The following SETDB1 variants were observed in gnomAD, a reference collection of about 807,000 sequenced individuals.
SETDB1 encodes histone-lysine N-methyltransferase SETDB1.
In SETDB1, 31 loss-of-function variants were observed where a neutral mutation model predicts 137.4. The observed-to-expected ratio is 0.23, with a 90% CI of 0.17 to 0.30. The LOEUF (loss-of-function observed/expected upper bound fraction) is 0.30, where lower values mean the gene tolerates loss of function less well. Ranked by LOEUF, SETDB1 falls within the 10% of genes least tolerant of loss-of-function variation. The probability of loss-of-function intolerance (pLI) is 1.00; values close to 1 mark genes in which losing one functional copy is unlikely to be tolerated. For missense variants in SETDB1, 1,113 were observed against 1,631.5 expected (o/e 0.68, Z 5.47); for synonymous variants, 548 against 579.9 (o/e 0.95, Z 0.79).
intron 14 of SETDB1, among the ~76,000 whole-genome samples, chr1:150,956,186 G>T (rs1479705953): frequency 6.6e-6 from 1 of 150,928 alleles, no homozygotes; most frequent in Non-Finnish European, 1.5e-5. Flanking sequence ...AGGAATTCAA[G>T]ATCAGCCTGG....
chr1:150,946,911 A>G lies in SETDB1; in HGVS notation c.1166A>G (p.Tyr389Cys), dbSNP rs1670349450. 10 of 1,613,544 alleles carry G rather than the reference A, an allele frequency of 6.2e-6. No individual in the cohort carries two copies. The highest frequency in any genetic ancestry group is 1.7e-5 in the Admixed American group (1 of 59,972). Residue 389 changes from tyrosine to cysteine, a missense_variant, in exon 10 of 22, where the codon TAT (tyrosine) becomes TGT (cysteine). Tyr to Cys is a radical substitution (Grantham distance 194). Coordinates refer to ENST00000692827, the MANE Select transcript of SETDB1 (RefSeq NM_001366418.1). ...GATGACAAAAGATGTGAGTGGATCT[A>G]TCGAGGCTCTACACGGCTGGAGCCC... ...FLDDKRCEWI[Y>C]RGSTRLEPMF... is the part of the protein sequence containing the mutation.
Position 150,927,857 on chromosome 1 carries a change from T to C in SETDB1, c.143T>C (p.Leu48Pro), listed in dbSNP as rs1469684199. ...EELRHFIDEE[L>P]EKMDCVQQRK... ...CTTCGGCATTTCATCGATGAGGAAC[T>C]GGAGAAGATGGATTGTGTACAGCAA... The change falls in exon 2 of 22, where the codon CTG becomes CCG. Residue 48 changes from leucine (L) to proline (P), a missense_variant. Physicochemically the swap from Leu to Pro is moderately conservative, Grantham distance 98 (BLOSUM62 -3). Coordinates refer to ENST00000692827, the MANE Select transcript of SETDB1 (RefSeq NM_001366418.1). The C allele has an allele frequency of 6.2e-7, 1 of 1,614,126 alleles. No homozygotes were observed. The highest frequency in any genetic ancestry group is 8.5e-7 in the Non-Finnish European group (1 of 1,180,036).
At chr1:150,949,680 G>A (rs988480542) in intron 12 of SETDB1, among the ~76,000 whole-genome samples, 155 bp downstream of exon 12, 2 of 152,214 alleles carry the variant, frequency 1.3e-5, no homozygotes, top group African/African-American at 4.8e-5. Context: ...AAGTTCCTAA[G>A]AAATAGAAAG....
At chr1:150,931,636 T>TA (rs1386651491) in intron 3 of SETDB1, among the ~76,000 whole-genome samples, 52 of 61,196 alleles carry the variant, frequency 8.5e-4, no homozygotes, top group Non-Finnish European at 4.0e-4. Context: ...AAATAAAAAA[T>TA]AAAAAAAATA....
chr1:150,934,843 CAG>C (rs1669898632), intron 3 of SETDB1, among the ~76,000 whole-genome samples: 1 of 148,530 alleles, frequency 6.7e-6, no homozygotes, highest in African/African-American at 2.5e-5. Flanking sequence ...TTTTTTGTGA[CAG>C]AGCTTTATTC....
intron 14 of SETDB1, 30 bp downstream of exon 14, chr1:150,951,511 C>A: frequency 9.0e-7 from 1 of 1,113,198 alleles, no homozygotes; most frequent in Non-Finnish European, 1.4e-6. Flanking sequence ...CACAGTACCT[C>A]AGAGAGACTG....
intron 15 of SETDB1, among the ~76,000 whole-genome samples, chr1:150,959,642 C>T (rs1336880531): frequency 6.6e-6 from 1 of 152,126 alleles, no homozygotes; most frequent in Non-Finnish European, 1.5e-5. Flanking sequence ...TGTCACTCCA[C>T]TCAGAGATCT....
chr1:150,932,621 C>CT (rs1669795178), intron 3 of SETDB1, among the ~76,000 whole-genome samples: 1 of 152,072 alleles, frequency 6.6e-6, no homozygotes, highest in Admixed American at 6.6e-5. Context: ...AGCTTCTGGA[C>CT]TTTTTCTGTT....
chr1:150,926,846 G>A (rs758432159), intron 1 of SETDB1: 1 of 533,414 alleles, frequency 1.9e-6, no homozygotes, highest in Non-Finnish European at 3.8e-6. Flanking sequence ...TTACTTCTCT[G>A]TACTTTGGGG....
chr1:150,952,856 C>T (rs1571652575), intron 14 of SETDB1, among the ~76,000 whole-genome samples: 1 of 152,126 alleles, frequency 6.6e-6, no homozygotes, highest in Admixed American at 6.5e-5. Flanking sequence ...CATTGCACTC[C>T]AGCCTGGGCA....
chr1:150,960,538 G>A (rs747510779), intron 15 of SETDB1, 25 bp from the exon 16 acceptor site: 1 of 1,582,156 alleles, frequency 6.3e-7, no homozygotes, highest in African/African-American at 1.4e-5. Context: ...AACCCTAGAA[G>A]GCCTTTAATT....
intron 3 of SETDB1, among the ~76,000 whole-genome samples, chr1:150,932,222 A>T (rs1224292512): frequency 4.8e-5 from 7 of 145,810 alleles, no homozygotes; most frequent in African/African-American, 1.8e-4. Flanking sequence ...CCCTTCTCTA[A>T]TTTTTTTTTT....
chr1:150,933,285 C>G (rs989057785), intron 3 of SETDB1, among the ~76,000 whole-genome samples: 4 of 151,880 alleles, frequency 2.6e-5, no homozygotes, highest in Admixed American at 6.6e-5. Context: ...GTCTCGAACT[C>G]CTGAGCTCAG....
intron 1 of SETDB1, 187 bp downstream of exon 1, chr1:150,926,704 G>C: frequency 1.9e-6 from 1 of 531,406 alleles, no homozygotes; most frequent in South Asian, 1.4e-5. Context: ...GGGCTGGTGT[G>C]TGGGCAGAGG....
At chr1:150,927,363 C>T (rs1457113371) in intron 1 of SETDB1, among the ~76,000 whole-genome samples, 1 of 152,126 alleles carries the variant, frequency 6.6e-6, no homozygotes, top group African/African-American at 2.4e-5. Flanking sequence ...TGCCCTCAAG[C>T]GACCCTCCTG....
At chr1:150,943,213 T>A (rs587615121) in intron 7 of SETDB1, among the ~76,000 whole-genome samples, 160 bp downstream of exon 7, 3 of 152,338 alleles carry the variant, frequency 2.0e-5, no homozygotes, top group African/African-American at 7.2e-5. Flanking sequence ...TGGGTGATTC[T>A]TTCTTCCTCT....
At chr1:150,942,139 C>CAA (rs940063526) in intron 5 of SETDB1, among the ~76,000 whole-genome samples, 9 of 86,012 alleles carry the variant, frequency 1.0e-4, no homozygotes, top group Non-Finnish European at 1.9e-4. Context: ...GACTCCATCT[C>CAA]AAAAAAAAAA....
intron 10 of SETDB1, 111 bp from the exon 11 acceptor site, chr1:150,949,011 G>A (rs1361214877): frequency 5.4e-6 from 6 of 1,112,108 alleles, no homozygotes; most frequent in East Asian, 2.4e-5. Flanking sequence ...GAGCCACTGC[G>A]CCCAGCCATT....
chr1:150,928,034 A>G (rs1571618201), intron 2 of SETDB1, 60 bp downstream of exon 2: 2 of 1,558,094 alleles, frequency 1.3e-6, no homozygotes, highest in East Asian at 4.5e-5. Context: ...TTTAGAGAAT[A>G]ATTGTTCATG....
Sources: gnomAD v4.1 joint callset for allele counts (sites outside exome capture counted in the v4.1 genomes callset) on GRCh38, gnomAD v4.1.1 for gene constraint, MANE v1.5 for transcripts, NCBI Gene and HGNC (gene_info 2026-07-23, HGNC 2026-07-21) for gene names.